The following KDM4C variants were observed in gnomAD, a reference collection of about 807,000 sequenced individuals.
The protein encoded by KDM4C is lysine demethylase 4C.
In KDM4C, 81 loss-of-function variants were observed where a neutral mutation model predicts 129.3. That is an observed-to-expected ratio of 0.63 (90% CI 0.52 to 0.75). KDM4C has a LOEUF of 0.75. Ranked by LOEUF, KDM4C falls within the 30% of genes least tolerant of loss-of-function variation. KDM4C has a pLI of 0.00. For synonymous variants in KDM4C, 573 were observed against 456.1 expected, an observed-to-expected ratio of 1.26 and a Z score of -3.26; for missense variants, 1,457 against 1,304.0, an observed-to-expected ratio of 1.12 and a Z score of -1.81.
At chr9:7,024,317 G>C (rs1233629422) in intron 15 of KDM4C, among the ~76,000 whole-genome samples, 2 of 146,096 alleles carry the variant, frequency 1.4e-5, no homozygotes, top group Non-Finnish European at 3.0e-5. Flanking sequence ...TCTTTTCAAG[G>C]TGTTTTTTTT....
intron 17 of KDM4C, among the ~76,000 whole-genome samples, chr9:7,081,293 A>C (rs542736220): frequency 6.6e-6 from 1 of 152,344 alleles, no homozygotes; most frequent in South Asian, 2.1e-4. Context: ...TGTGGGAAAG[A>C]AATTGAAGAA....
chr9:6,767,325 T>C lies in KDM4C; in HGVS notation c.-18+9122T>C, dbSNP rs371067521. Among the ~76,000 whole-genome samples, 6 of 151,584 alleles carry C rather than the reference T, an allele frequency of 4.0e-5. No individual in the cohort carries two copies. The East Asian group carries it at 7.8e-4, about 20-fold the overall frequency. On this transcript the variant is annotated intron_variant, in intron 1 of 21. Coordinates refer to ENST00000381309, the MANE Select transcript of KDM4C (RefSeq NM_015061.6). ...CCGGCTAATTTTTTTGTGTTTTTAG[T>C]GGAGACAGGGTTTCACCACGTTCGG...
chr9:6,923,918 C>T (rs542612110), intron 8 of KDM4C, among the ~76,000 whole-genome samples: 100 of 152,214 alleles, frequency 6.6e-4, no homozygotes, highest in African/African-American at 2.4e-3. Flanking sequence ...GAGAAGAGAC[C>T]GATGCTTATG....
intron 17 of KDM4C, among the ~76,000 whole-genome samples, chr9:7,093,218 G>A (rs1409830027): frequency 6.6e-6 from 1 of 152,024 alleles, no homozygotes; most frequent in Non-Finnish European, 1.5e-5. Context: ...CCTGTTAATG[G>A]CTAACAGGAA....
intron 17 of KDM4C, among the ~76,000 whole-genome samples, chr9:7,103,168 C>T (rs139487266): frequency 0.011 from 1,708 of 152,256 alleles, 24 homozygotes; most frequent in Non-Finnish European, 0.014. Context: ...CCACATTGGA[C>T]CATTTAACAC....
At chr9:6,978,852 G>C (rs1175329371) in intron 8 of KDM4C, 1 of 152,146 alleles carries the variant, frequency 6.6e-6, no homozygotes, top group Non-Finnish European at 1.5e-5. Flanking sequence ...CAGTCTCGGA[G>C]CACACTCCTC....
At chr9:7,031,205 C>T (rs138685097) in intron 15 of KDM4C, among the ~76,000 whole-genome samples, 1,923 of 151,490 alleles carry the variant, frequency 0.013, 43 homozygotes, top group African/African-American at 0.044. Flanking sequence ...CTCTGTTGCC[C>T]AGGCTGGAGT....
chr9:6,736,011 C>G (rs1418702074), intron 1 of KDM4C, among the ~76,000 whole-genome samples: 1 of 152,134 alleles, frequency 6.6e-6, no homozygotes. Context: ...GGAACTGGAG[C>G]AAAGGTGACT....
intron 18 of KDM4C, among the ~76,000 whole-genome samples, chr9:7,124,325 G>A (rs1839815246): frequency 6.6e-6 from 1 of 152,184 alleles, no homozygotes; most frequent in South Asian, 2.1e-4. Context: ...CTGTTTTTCA[G>A]TTTGACAGAG....
At chr9:6,971,806 C>A (rs1832031242) in intron 8 of KDM4C, among the ~76,000 whole-genome samples, 1 of 152,122 alleles carries the variant, frequency 6.6e-6, no homozygotes, top group Non-Finnish European at 1.5e-5. Flanking sequence ...AAATAACTTA[C>A]ATAAATAGAA....
chr9:7,039,906 T>C (rs898346904), intron 15 of KDM4C, among the ~76,000 whole-genome samples: 8 of 152,108 alleles, frequency 5.3e-5, no homozygotes, highest in Non-Finnish European at 1.0e-4. Context: ...TAGCTCTATG[T>C]ATTTTGCATT....
intron 15 of KDM4C, among the ~76,000 whole-genome samples, chr9:7,033,988 C>G (rs1270886562): frequency 6.6e-6 from 1 of 151,238 alleles, no homozygotes; most frequent in East Asian, 1.9e-4. Flanking sequence ...AATTCAGTGA[C>G]ATGATGAAGA....
intron 17 of KDM4C, among the ~76,000 whole-genome samples, chr9:7,084,300 G>T (rs1278380272): frequency 6.6e-6 from 1 of 152,128 alleles, no homozygotes; most frequent in Non-Finnish European, 1.5e-5. Context: ...CTCTCAGCCT[G>T]GGTCCTAGCT....
At chr9:7,011,994 C>T in intron 13 of KDM4C, 115 bp downstream of exon 13, 1 of 765,692 alleles carries the variant, frequency 1.3e-6, no homozygotes, top group Non-Finnish European at 2.1e-6. Context: ...AGGAAGACGT[C>T]CTTAGGTAGC....
intron 8 of KDM4C, among the ~76,000 whole-genome samples, chr9:6,918,805 C>A (rs1308227942): frequency 1.3e-5 from 2 of 151,762 alleles, no homozygotes; most frequent in South Asian, 2.1e-4. Context: ...TCTTTGTTGG[C>A]CGCTTGTATG....
chr9:6,805,845 A>G, intron 3 of KDM4C, 71 bp downstream of exon 3: 1 of 1,371,578 alleles, frequency 7.3e-7, no homozygotes, highest in Non-Finnish European at 9.9e-7. Flanking sequence ...AACAAAGTAG[A>G]CAGAGGAGCT....
chr9:7,096,905 T>C (rs1836503798), intron 17 of KDM4C, among the ~76,000 whole-genome samples: 1 of 152,170 alleles, frequency 6.6e-6, no homozygotes, highest in South Asian at 2.1e-4. Context: ...ATCGTGAGTC[T>C]CTCACCTGGG....
intron 8 of KDM4C, among the ~76,000 whole-genome samples, chr9:6,963,709 CT>C (rs1830408611): frequency 6.6e-6 from 1 of 152,158 alleles, no homozygotes; most frequent in African/African-American, 2.4e-5. Context: ...GCAATGTGTC[CT>C]GTCCTGTGTC....
intron 20 of KDM4C, among the ~76,000 whole-genome samples, chr9:7,166,283 C>G (rs1179085192): frequency 2.0e-5 from 3 of 152,178 alleles, no homozygotes; most frequent in Non-Finnish European, 4.4e-5. Flanking sequence ...GGAGCAAGAG[C>G]TTAAATGGAA....
Sources: gnomAD v4.1 joint callset for allele counts (sites outside exome capture counted in the v4.1 genomes callset) on GRCh38, gnomAD v4.1.1 for gene constraint, MANE v1.5 for transcripts, NCBI Gene and HGNC (gene_info 2026-07-23, HGNC 2026-07-21) for gene names.